The following TRRAP variants were observed in gnomAD, a reference collection of about 807,000 sequenced individuals.
TRRAP encodes the protein transformation/transcription domain associated protein.
TRRAP carries 41 observed loss-of-function variants against 438.8 expected under a neutral mutation model. That is an observed-to-expected ratio of 0.09 (90% CI 0.07 to 0.12). The LOEUF (loss-of-function observed/expected upper bound fraction) is 0.12, where lower values mean the gene tolerates loss of function less well. Ranked by LOEUF, TRRAP falls within the 10% of genes least tolerant of loss-of-function variation. TRRAP has a pLI of 1.00. For synonymous variants in TRRAP, 1,994 were observed against 1,962.9 expected, an observed-to-expected ratio of 1.02 and a Z score of -0.42; for missense variants, 3,122 against 5,055.1, an observed-to-expected ratio of 0.62 and a Z score of 11.60.
chr7:98,879,007 C>A (rs1032822248), intron 1 of TRRAP, among the ~76,000 whole-genome samples: 2 of 151,802 alleles, frequency 1.3e-5, no homozygotes, highest in South Asian at 4.2e-4. Flanking sequence ...TCCGGAGGCG[C>A]CCCCCGGCCA....
chr7:98,991,606 C>G (rs922873793), intron 64 of TRRAP, among the ~76,000 whole-genome samples: 1 of 152,206 alleles, frequency 6.6e-6, no homozygotes, highest in South Asian at 2.1e-4. Context: ...CTGAAAGATT[C>G]AAGTGACATG....
chr7:99,011,019 G>A lies in TRRAP; in HGVS notation c.10939-33G>A. 1 of 1,586,438 alleles carries A rather than the reference G, an allele frequency of 6.3e-7. No individual in the cohort carries two copies. The highest frequency in any genetic ancestry group is 8.6e-7 in the Non-Finnish European group (1 of 1,160,018). ...TCTTTTCCAAAAAAAATCAGTGAGT[G>A]AGATGGGAGTGTCACGGAGCGCTGT... On this transcript the variant is annotated intron_variant, in intron 70 of 72. Transcript: ENST00000456197. This position sits in a 1 kb window ranked among gnomAD's most constrained non-coding sequence, Gnocchi z 7.1.
At chr7:98,968,746 A>G (rs1330671566) in intron 51 of TRRAP, among the ~76,000 whole-genome samples, 1 of 152,236 alleles carries the variant, frequency 6.6e-6, no homozygotes, top group Non-Finnish European at 1.5e-5. Flanking sequence ...GCTGGGTCTC[A>G]GGAGAGCCTG....
Position 98,976,348 on chromosome 7 carries a change from G to A in TRRAP, c.7959+80G>A, listed in dbSNP as rs780466208. The A allele has an allele frequency of 9.0e-5, 143 of 1,583,670 alleles. 2 individuals carry two copies. In the South Asian group the frequency reaches 1.0e-3, roughly 11 times the overall value. On this transcript the variant is annotated intron_variant, in intron 54 of 72. Transcript: ENST00000456197. This position sits in a 1 kb window ranked among gnomAD's most constrained non-coding sequence, Gnocchi z 4.6. ...AGTATTCATAAAAGAACACAGTCTC[G>A]AACAAGTTTCAGAAAATGAGGGAAC...
At chr7:98,920,777 G>T (rs1269241672) in intron 20 of TRRAP, among the ~76,000 whole-genome samples, 1 of 152,052 alleles carries the variant, frequency 6.6e-6, no homozygotes, top group Non-Finnish European at 1.5e-5. Context: ...AACCTGAGAA[G>T]TTGCCATCCC....
In TRRAP at chr7:98,924,999, C is replaced by T. The variant is rs142400135; in HGVS notation, c.2824-113C>T. The T allele has an allele frequency of 0.041, 56,546 of 1,372,804 alleles. 1,449 individuals are homozygous for T. The highest frequency in any genetic ancestry group is 0.066 in the Middle Eastern group (340 of 5,168). 85.0% of individuals were successfully genotyped at this position (1,372,804 alleles called of 1,614,324 possible). The stretch of plus-strand genomic sequence containing the variant: ...CAGCCCAGGCGACAGAGCGAGACTC[C>T]GTCTCAAAAAAAAAAAAAGATTCTT... On this transcript the variant is annotated intron_variant, in intron 21 of 72. Coordinates refer to ENST00000456197, the MANE Select transcript of TRRAP (RefSeq NM_001375524.1).
At position 98,908,696 on chromosome 7, in the gene TRRAP, G is replaced by A. The variant is rs1796906840; in HGVS notation, c.1116-32G>A. 4 of 1,534,096 alleles carry A rather than the reference G, an allele frequency of 2.6e-6. No homozygotes were observed. The African/African-American group carries it at 4.1e-5, about 16-fold the overall frequency. ...TGCTGCAGCAGGCATGGCCACGTGG[G>A]AATGAGCACTAGTCGAGGTCTCTGC... On this transcript the variant is annotated intron_variant, in intron 13 of 72. Transcript: ENST00000456197. The surrounding 1 kb of genome is among the most constrained non-coding windows in gnomAD (Gnocchi z 4.1).
At chr7:98,940,590 A>C (rs979960108) in intron 30 of TRRAP, among the ~76,000 whole-genome samples, 1 of 152,144 alleles carries the variant, frequency 6.6e-6, no homozygotes, top group South Asian at 2.1e-4. Context: ...GACCAAGGCC[A>C]GTGTTCTTTC....
At chr7:98,930,538 A>G (rs1441710645) in intron 24 of TRRAP, 95 bp from the exon 25 acceptor site, 3 of 1,504,674 alleles carry the variant, frequency 2.0e-6, no homozygotes, top group African/African-American at 1.4e-5. Context: ...AGATCACACC[A>G]TTGCACTCCG....
At chr7:98,888,057 C>T (rs542767018) in intron 3 of TRRAP, among the ~76,000 whole-genome samples, 30 of 152,076 alleles carry the variant, frequency 2.0e-4, no homozygotes, top group Non-Finnish European at 3.7e-4. Context: ...GGTGAAACCC[C>T]GTCTCTACCA....
chr7:98,931,277 A>C lies in TRRAP; in HGVS notation c.3592-128A>C, dbSNP rs1041685974. The C allele has an allele frequency of 5.7e-6, 8 of 1,397,248 alleles. No individual in the cohort carries two copies. In the Admixed American group the frequency reaches 9.1e-5, roughly 16 times the overall value. The allele number at this position is 1,397,248 out of a possible 1,614,324, so 86.6% of individuals were successfully genotyped here. A position where few individuals can be genotyped will look rare whatever the true frequency, so the allele number is the denominator to read the frequency against. ...CAAGTGGGTGCCGTGAAGTCACCTC[A>C]TTAAAGCAGCTGGCGAGAAGGGCAT... On this transcript the variant is annotated intron_variant, in intron 25 of 72. Transcript: ENST00000456197.
intron 1 of TRRAP, 35 bp from the exon 2 acceptor site, chr7:98,881,055 C>A: frequency 1.0e-6 from 1 of 956,494 alleles, no homozygotes; most frequent in Non-Finnish European, 1.5e-6. Flanking sequence ...CCTGTGCCCT[C>A]CATAAATTGA....
intron 30 of TRRAP, among the ~76,000 whole-genome samples, chr7:98,941,148 T>C: frequency 6.6e-6 from 1 of 152,142 alleles, no homozygotes; most frequent in African/African-American, 2.4e-5. Flanking sequence ...ACCTGACATA[T>C]GATTATTAAG....
At chr7:98,963,235 C>T (rs551999081) in intron 47 of TRRAP, among the ~76,000 whole-genome samples, 1 of 152,290 alleles carries the variant, frequency 6.6e-6, no homozygotes, top group South Asian at 2.1e-4. Context: ...CCAAACTTGC[C>T]AGGAGCTAGG....
chr7:98,953,898 C>T (rs905341547), intron 40 of TRRAP, among the ~76,000 whole-genome samples: 1 of 152,194 alleles, frequency 6.6e-6, no homozygotes, highest in African/African-American at 2.4e-5. Context: ...CTTCCTCCCC[C>T]ATTCCCACTC....
intron 14 of TRRAP, among the ~76,000 whole-genome samples, 169 bp from the exon 15 acceptor site, chr7:98,909,887 C>T (rs1339950882): frequency 6.6e-6 from 1 of 152,182 alleles, no homozygotes; most frequent in Non-Finnish European, 1.5e-5. Context: ...GCAGTTTCAT[C>T]AGAAGTAATG....
At position 99,011,561 on chromosome 7, in the gene TRRAP, A is replaced by G; in HGVS notation, c.11337+26A>G. 1.2e-6 allele frequency: 2 copies of G among 1,605,868 alleles called. No homozygotes were observed. The highest frequency in any genetic ancestry group is 1.7e-6 in the Non-Finnish European group (2 of 1,176,190). ...GTGGGTCTCCACGTCGTCCTATCAC[A>G]GGCGCAGGCTAGAGCCACTCAGATG... is the stretch of plus-strand genomic sequence containing the variant. On this transcript the variant is annotated intron_variant, in intron 72 of 72. Transcript: ENST00000456197. The surrounding 1 kb of genome is among the most constrained non-coding windows in gnomAD (Gnocchi z 7.1).
intron 61 of TRRAP, 21 bp downstream of exon 61, chr7:98,984,379 G>T (rs1234735557): frequency 6.6e-7 from 1 of 1,526,022 alleles, no homozygotes; most frequent in Non-Finnish European, 8.8e-7. Context: ...GACACTTGAA[G>T]AATGAGGCCA....
At position 98,890,263 on chromosome 7, in the gene TRRAP, T is replaced by C. The variant is rs1490076904; in HGVS notation, c.151-72T>C. The C allele has an allele frequency of 5.0e-6, 5 of 1,002,898 alleles. No homozygotes were observed. In the African/African-American group the frequency reaches 6.7e-5, roughly 13 times the overall value. 62.1% of individuals were successfully genotyped at this position (1,002,898 alleles called of 1,614,324 possible). A position where few individuals can be genotyped will look rare whatever the true frequency, so the allele number is the denominator to read the frequency against. ...AATGTTTTATATTCCTTTGCAGTTA[T>C]TATAATGTGTAAATTTGAAATGAAA... On this transcript the variant is annotated intron_variant, in intron 3 of 72. Coordinates refer to ENST00000456197, the MANE Select transcript of TRRAP (RefSeq NM_001375524.1).
Sources: allele counts gnomAD v4.1 joint callset (sites outside exome capture counted in the v4.1 genomes callset), GRCh38; gene constraint gnomAD v4.1.1; non-coding constraint Gnocchi (gnomAD v3.1); transcripts MANE v1.5; gene names NCBI Gene and HGNC (gene_info 2026-07-23, HGNC 2026-07-21).